Variants in POLRMT observed in about 807,000 individuals in gnomAD.
POLRMT encodes the protein RNA polymerase mitochondrial, also known as DNA-directed RNA polymerase, mitochondrial.
POLRMT carries 114 observed loss-of-function variants against 132.2 expected under a neutral mutation model. The observed-to-expected ratio is 0.86, with a 90% CI of 0.74 to 1.01. The LOEUF is 1.01. POLRMT is among the 50% of genes least tolerant of loss of function. The pLI is 0.00. For synonymous variants in POLRMT, 1,020 were observed against 773.4 expected (o/e 1.32, Z -5.29); for missense variants, 2,003 against 1,729.1 (o/e 1.16, Z -2.81).
chr19:633,529 G>GGCGCCGCCGCTGCCGCCGCCGCC lies in POLRMT; in HGVS notation c.-18_-17insGGCGGCGGCGGCAGCGGCGGCGC, dbSNP rs57880842. On this transcript the variant is annotated 5_prime_UTR_variant, in exon 1 of 21. Coordinates refer to ENST00000588649, the MANE Select transcript of POLRMT (RefSeq NM_005035.4). ...TGCCGACATTACGCACGCCGCTCCA[G>GGCGCCGCCGCTGCCGCCGCCGCC]GCCACCCCACCGGCCCGCGCCTGCG... 2,318 of 1,463,784 alleles carry GGCGCCGCCGCTGCCGCCGCCGCC rather than the reference G, an allele frequency of 1.6e-3. 101 individuals carry two copies. The East Asian group carries it at 0.056, about 35-fold the overall frequency. The allele number at this position is 1,463,784 out of a possible 1,614,324, so 90.7% of individuals were successfully genotyped here.
At chr19:623,662 G>C in intron 5 of POLRMT, 59 bp from the exon 6 acceptor site, 2 of 1,579,412 alleles carry the variant, frequency 1.3e-6, no homozygotes, top group Non-Finnish European at 1.7e-6. Context: ...GCCCTCCCAG[G>C]ACCCCGAGAC....
intron 17 of POLRMT, 143 bp from the exon 18 acceptor site, chr19:617,992 C>G (rs1400039804): frequency 8.8e-6 from 6 of 683,536 alleles, no homozygotes; most frequent in Non-Finnish European, 1.3e-5. Flanking sequence ...CCCCTCGCCC[C>G]GCCCCTCCCC....
intron 3 of POLRMT, chr19:625,495 G>T (rs1352522418): frequency 4.1e-6 from 2 of 482,170 alleles, no homozygotes; most frequent in Non-Finnish European, 3.6e-6. Context: ...CCTCTGGGAG[G>T]CAGCTTGTTA....
In POLRMT at chr19:622,847, G is replaced by A. The variant is rs370315002; in HGVS notation, c.1429C>T (p.Arg477Cys). Residue 477 changes from arginine (R) to cysteine (C), a missense_variant, in exon 7 of 21, where the codon CGC becomes TGC. Transcript: ENST00000588649. ...TGCAGGAGCATCCGCACCACCTCGC[G>A]CTCGTCCAGCAGGCACAGGAAGGGG... is the stretch of plus-strand genomic sequence containing the variant. ...LYPFLCLLDE[R>C]EVVRMLLQVL... is the part of the protein sequence containing the mutation. The A allele has an allele frequency of 8.1e-6, 13 of 1,603,294 alleles. No individual in the cohort carries two copies. The African/African-American group carries it at 1.2e-4, about 15-fold the overall frequency.
chr19:618,375 C>T (rs1368707904), intron 17 of POLRMT, 113 bp downstream of exon 17: 3 of 788,622 alleles, frequency 3.8e-6, no homozygotes, highest in Non-Finnish European at 6.0e-6. Context: ...CACAGCAGAT[C>T]CACTCTGCCC....
At position 632,985 on chromosome 19, in the gene POLRMT, G is replaced by A. The variant is rs115223227; in HGVS notation, c.89-47C>T. ...CTGAGCGGGGCCGGGCGTGTGGGCG[G>A]GGGCCTCCATAAAGGCAGAAGCCGA... On this transcript the variant is annotated intron_variant, in intron 1 of 20. Coordinates refer to ENST00000588649, the MANE Select transcript of POLRMT (RefSeq NM_005035.4). 5,696 of 1,366,118 alleles carry A rather than the reference G, an allele frequency of 4.2e-3. 184 individuals are homozygous for A. In the African/African-American group the frequency reaches 0.074, roughly 18 times the overall value. The allele number at this position is 1,366,118 out of a possible 1,614,324, so 84.6% of individuals were successfully genotyped here. A position where few individuals can be genotyped will look rare whatever the true frequency, so the allele number is the denominator to read the frequency against.
chr19:623,432 G>A (rs775311805), intron 6 of POLRMT, 22 bp downstream of exon 6: 22 of 1,607,548 alleles, frequency 1.4e-5, no homozygotes, highest in Non-Finnish European at 1.7e-5. Context: ...CGGCGGACAC[G>A]GGACCCCGGC....
rs776362251 is a variant in POLRMT, at chr19:632,931, G to A, written c.96C>T (p.Ala32=). 10 of 1,512,022 alleles carry A rather than the reference G, an allele frequency of 6.6e-6. No individual in the cohort carries two copies. The highest frequency in any genetic ancestry group is 6.1e-5 in the South Asian group (5 of 81,938). 93.7% of individuals were successfully genotyped at this position (1,512,022 alleles called of 1,614,324 possible). A position where few individuals can be genotyped will look rare whatever the true frequency, so the allele number is the denominator to read the frequency against. The part of the protein sequence containing the change: ...RPGLPGKEGT[A]GGVCGPRRSS... Reference sequence around the variant, plus strand: ...TCCTCCTGGGGCCGCAGACGCCACCGGCGGTCCCTGCGGGAAAGACGAGAG... The same window carrying A: ...TCCTCCTGGGGCCGCAGACGCCACCAGCGGTCCCTGCGGGAAAGACGAGAG... Residue 32 remains alanine (A), a synonymous_variant, in exon 2 of 21, where the codon GCC becomes GCT. Transcript: ENST00000588649.
At chr19:627,656 C>T (rs577784742) in intron 3 of POLRMT, among the ~76,000 whole-genome samples, 10 of 151,576 alleles carry the variant, frequency 6.6e-5, no homozygotes, top group Admixed American at 2.0e-4. Context: ...CGGGCGCGGT[C>T]GCTCACGCCT....
Position 622,988 on chromosome 19 carries a change from GC to G in POLRMT, c.1291-4del. On this transcript the variant is annotated splice_polypyrimidine_tract_variant and splice_region_variant and intron_variant, in intron 6 of 20. Transcript: ENST00000588649. ...CGCAGGGTCTTCAGGGTCTTCCGCT[GC>G]GGGGGATGAACGGGCCCGGTGAGCC... 1.2e-6 allele frequency: 2 copies of G among 1,612,028 alleles called. No homozygotes were observed. Among genetic ancestry groups the G allele is most frequent in the Non-Finnish European group, 1.7e-6 (2 of 1,179,498 alleles).
intron 13 of POLRMT, 75 bp from the exon 14 acceptor site, chr19:619,371 C>A: frequency 1.3e-6 from 2 of 1,509,054 alleles, no homozygotes; most frequent in Non-Finnish European, 9.1e-7. Flanking sequence ...TATTTCAGAG[C>A]CACTGAGGCC....
intron 10 of POLRMT, among the ~76,000 whole-genome samples, 167 bp downstream of exon 10, chr19:620,886 GGCGCC>G (rs1984488816): frequency 4.2e-5 from 2 of 47,656 alleles, no homozygotes; most frequent in African/African-American, 2.2e-4. Flanking sequence ...GGGACGTGGG[GGCGCC>G]AGGGGAGGGG....
rs7507757 is a variant in POLRMT, at chr19:632,897, C to A, written c.130G>T (p.Ala44Ser). ...TCTTGGTCTTGCTCCTGGGGGCTGG[C>A]GGACGAGCTCCTCCTGGGGCCGCAG... Reference protein sequence around the residue: ...GVCGPRRSSSASPQEQDQDRR... With the variant: ...GVCGPRRSSSSSPQEQDQDRR... Residue 44 changes from alanine to serine, a missense_variant, in exon 2 of 21, where the codon GCC becomes TCC. By Grantham distance (99) the Ala-to-Ser change is moderately conservative (BLOSUM62 1). Coordinates refer to ENST00000588649, the MANE Select transcript of POLRMT (RefSeq NM_005035.4). The A allele has an allele frequency of 1.3e-6, 2 of 1,539,868 alleles. No homozygotes were observed. Among genetic ancestry groups the A allele is most frequent in the African/African-American group, 2.8e-5 (2 of 71,528 alleles).
chr19:619,186 G>T, intron 14 of POLRMT, 24 bp downstream of exon 14: 1 of 1,609,862 alleles, frequency 6.2e-7, no homozygotes, highest in Non-Finnish European at 8.5e-7. Flanking sequence ...AGTCCTGGCC[G>T]AGCGGGGACA....
chr19:617,860 G>A lies in POLRMT; in HGVS notation c.3423-11C>T. 3.1e-6 allele frequency: 5 copies of A among 1,612,684 alleles called. No homozygotes were observed. The highest frequency in any genetic ancestry group is 1.3e-5 in the African/African-American group (1 of 75,016). ...AAGGTCAGGCCCTTCCTGTGGCAGAGCGGAGGACTCCTGAAGGGAGGGGAG... is the reference window on the plus strand; with the variant it reads ...AAGGTCAGGCCCTTCCTGTGGCAGAACGGAGGACTCCTGAAGGGAGGGGAG... On this transcript the variant is annotated splice_polypyrimidine_tract_variant and intron_variant, in intron 17 of 20. Transcript: ENST00000588649.
chr19:617,587 G>C lies in POLRMT; in HGVS notation c.3564C>G (p.Val1188=), dbSNP rs764144041. ...PILQDLSRFL[V]KRFCSEPQKI... ...CGCCTTACTCAGAGCAGAACCGCTT[G>C]ACCAGGAATCTGGACAGGTCCTGCA... The change falls in exon 19 of 21, where the codon GTC becomes GTG. Residue 1188 remains valine, a synonymous_variant. Coordinates refer to ENST00000588649, the MANE Select transcript of POLRMT (RefSeq NM_005035.4). 4.3e-6 allele frequency: 7 copies of C among 1,612,184 alleles called. 1 individual carries two copies. The highest frequency in any genetic ancestry group is 1.3e-5 in the African/African-American group (1 of 75,022).
At chr19:618,879 G>T in intron 15 of POLRMT, 118 bp downstream of exon 15, 4 of 1,373,088 alleles carry the variant, frequency 2.9e-6, no homozygotes, top group Non-Finnish European at 4.0e-6. Context: ...GCGCGGGATG[G>T]GGTGGCACAC....
intron 10 of POLRMT, among the ~76,000 whole-genome samples, 185 bp downstream of exon 10, chr19:620,873 C>CA (rs1210669722): frequency 7.7e-4 from 55 of 71,214 alleles, no homozygotes; most frequent in Admixed American, 3.3e-3. Context: ...GGAGAGCGGG[C>CA]GGGGGACGTG....
rs370175637 is a variant in POLRMT at position 619,774 on chromosome 19, C to T, written c.2887-9G>A. ...CTACGGAACACCTCCACCTGCACGG[C>T]GGGTGGGCCGGGGGCGCGGGTCAGC... On this transcript the variant is annotated splice_polypyrimidine_tract_variant and intron_variant, in intron 12 of 20. Coordinates refer to ENST00000588649, the MANE Select transcript of POLRMT (RefSeq NM_005035.4). 170 of 1,556,102 alleles carry T rather than the reference C, an allele frequency of 1.1e-4. 1 individual carries two copies. Among genetic ancestry groups the T allele is most frequent in the Middle Eastern group, 2.4e-4 (1 of 4,220 alleles).
Sources: allele counts gnomAD v4.1 joint callset (sites outside exome capture counted in the v4.1 genomes callset), GRCh38; gene constraint gnomAD v4.1.1; transcripts MANE v1.5; gene names NCBI Gene and HGNC (gene_info 2026-07-23, HGNC 2026-07-21).